The following GNAS variants were observed in gnomAD, a reference collection of about 807,000 sequenced individuals.
The protein encoded by GNAS is protein ALEX.
Under a neutral mutation model 54.5 loss-of-function variants are expected in GNAS, and 8 were observed. The observed-to-expected ratio is 0.15, with a 90% CI of 0.09 to 0.26. The LOEUF (loss-of-function observed/expected upper bound fraction) is 0.26. Ranked by LOEUF, GNAS falls within the 10% of genes least tolerant of loss-of-function variation. The pLI, the probability that GNAS is intolerant of heterozygous loss-of-function variation, is 1.00. For missense variants in GNAS, 170 were observed against 529.8 expected (o/e 0.32, Z 6.67); for synonymous variants, 204 against 191.4 (o/e 1.07, Z -0.54).
At position 58,853,368 on chromosome 20, in the gene GNAS, G is replaced by A; in HGVS notation, c.43+12482G>A. 6.4e-7 allele frequency: 1 copy of A among 1,554,726 alleles called. No homozygotes were observed. Among genetic ancestry groups the A allele is most frequent in the Non-Finnish European group, 8.7e-7 (1 of 1,149,364 alleles). On this transcript the variant is annotated intron_variant, in intron 1 of 12. Coordinates refer to the GNAS transcript ENST00000306090. The surrounding 1 kb of genome is among the most constrained non-coding windows in gnomAD (Gnocchi z 4.4). Reference sequence around the variant, plus strand: ...CGAGCAACCACCTTTGGAGGCCCCAGGGGCAGCTGCCCCCGGTGCTGGGCC... The same window carrying A: ...CGAGCAACCACCTTTGGAGGCCCCAAGGGCAGCTGCCCCCGGTGCTGGGCC...
intron 2 of GNAS, among the ~76,000 whole-genome samples, chr20:58,897,280 C>T (rs1052001142): frequency 2.0e-5 from 3 of 152,222 alleles, no homozygotes; most frequent in African/African-American, 7.2e-5. Flanking sequence ...GCCATCCTGA[C>T]AATAAATAAA....
At chr20:58,855,666 A>AGGGGCCCCGGGGC in intron 1 of GNAS, 1 of 553,128 alleles carries the variant, frequency 1.8e-6, no homozygotes, top group Non-Finnish European at 3.5e-6. Context: ...ACTGCCGGGG[A>AGGGGCCCCGGGGC]GGGGCCCCGG....
intron 1 of GNAS, chr20:58,854,519 C>G (rs554596521): frequency 6.3e-7 from 1 of 1,582,082 alleles, no homozygotes; most frequent in East Asian, 2.3e-5. Flanking sequence ...CAGCACCAGC[C>G]GATCCTGACT....
At chr20:58,844,797 C>CA (rs148823649) in intron 1 of GNAS, among the ~76,000 whole-genome samples, 236 of 139,214 alleles carry the variant, frequency 1.7e-3, no homozygotes, top group South Asian at 0.014. Context: ...GACTCCATCT[C>CA]AAAAAAAAAA....
chr20:58,890,246 C>T (rs1051664410), upstream of GNAS, among the ~76,000 whole-genome samples: 1 of 151,104 alleles, frequency 6.6e-6, no homozygotes, highest in Non-Finnish European at 1.5e-5. Context: ...AGGCCCGATG[C>T]CCCGAGGCCG....
At chr20:58,855,927 C>T in intron 1 of GNAS, 1 of 409,688 alleles carries the variant, frequency 2.4e-6, no homozygotes, top group South Asian at 4.8e-5. Context: ...GTGGTTTGCG[C>T]CATGGCCCGG....
Position 58,900,082 on chromosome 20 carries a change from G to T in GNAS, c.257+1097G>T, listed in dbSNP as rs1042499627. 1.5e-4 allele frequency: 91 copies of T among 593,284 alleles called. 3 individuals carry two copies. Among genetic ancestry groups the T allele is most frequent in the South Asian group, 1.5e-3 (73 of 49,776 alleles). The allele number at this position is 593,284 out of a possible 1,614,324, so 36.8% of individuals were successfully genotyped here. On this transcript the variant is annotated intron_variant, in intron 3 of 12. Transcript: ENST00000371085. ...TATTCTGTTATCTGAGGGGGGAGGG[G>T]GGATGGGGCCCCTGCTACCTGACCT...
intron 2 of GNAS, chr20:58,897,945 GC>G (rs1306118351): frequency 1.3e-5 from 2 of 152,026 alleles, no homozygotes; most frequent in African/African-American, 4.8e-5. Context: ...CCCTGATCTT[GC>G]GTTTTGTTAG....
intron 1 of GNAS, among the ~76,000 whole-genome samples, chr20:58,858,668 T>G (rs911153850): frequency 6.6e-5 from 10 of 152,238 alleles, no homozygotes; most frequent in Non-Finnish European, 1.3e-4. Flanking sequence ...TAATGGCTAT[T>G]CTGCTATGAT....
rs2146287042 is a variant in GNAS, at chr20:58,909,859, C to T, written c.839+55C>T. 1 of 1,612,714 alleles carries T rather than the reference C, an allele frequency of 6.2e-7. No homozygotes were observed. The highest frequency in any genetic ancestry group is 1.1e-5 in the South Asian group (1 of 91,028). ...CTTGCCCAGGAGGCCCTGGTCTGCA[C>T]TGTTTATAGAGAAGAACCCCGTGCA... On this transcript the variant is annotated intron_variant, in intron 10 of 12. Coordinates refer to ENST00000371085, the MANE Select transcript of GNAS (RefSeq NM_000516.7). This position sits in a 1 kb window ranked among gnomAD's most constrained non-coding sequence, Gnocchi z 7.3.
intron 1 of GNAS, among the ~76,000 whole-genome samples, chr20:58,893,456 G>A (rs1051028228): frequency 9.2e-5 from 14 of 152,240 alleles, no homozygotes; most frequent in African/African-American, 3.4e-4. Context: ...GACCTAGTTC[G>A]TGGTCACATT....
At chr20:58,889,048 T>G (rs2088827025), upstream of GNAS, 1 of 999,976 alleles carries the variant, frequency 1.0e-6, no homozygotes, top group African/African-American at 1.7e-5. Flanking sequence ...CCCATTTGGG[T>G]GCGTCCCCGG....
chr20:58,894,011 G>A (rs1391321226), intron 1 of GNAS, among the ~76,000 whole-genome samples: 1 of 152,184 alleles, frequency 6.6e-6, no homozygotes, highest in African/African-American at 2.4e-5. Context: ...TTAAGCCAGT[G>A]ACACAATATT....
chr20:58,840,826 C>A (rs112322423), upstream of GNAS: 169 of 1,612,792 alleles, frequency 1.0e-4, no homozygotes, highest in African/African-American at 1.9e-3. This position sits in a 1 kb window ranked among gnomAD's most constrained non-coding sequence, Gnocchi z 6.0. Context: ...AGGGACCCAT[C>A]CCCATCCGGC....
At chr20:58,874,959 C>T (rs1485932849) in intron 1 of GNAS, among the ~76,000 whole-genome samples, 4 of 152,046 alleles carry the variant, frequency 2.6e-5, no homozygotes, top group Non-Finnish European at 5.9e-5. Context: ...TATTTATTAC[C>T]CTTGAAATAA....
At chr20:58,889,489 TTCTC>T (rs566336302), upstream of GNAS, 10 of 282,984 alleles carry the variant, frequency 3.5e-5, no homozygotes, top group African/African-American at 1.4e-4. Flanking sequence ...CACCCCCCAA[TTCTC>T]TCTCTTTTCT....
At chr20:58,862,023 C>T (rs1331367451) in intron 1 of GNAS, among the ~76,000 whole-genome samples, 1 of 151,724 alleles carries the variant, frequency 6.6e-6, no homozygotes, top group Admixed American at 6.6e-5. Flanking sequence ...TTAATTCCCC[C>T]AAAAAGAGGG....
At chr20:58,855,439 G>A in intron 1 of GNAS, 1 of 1,031,714 alleles carries the variant, frequency 9.7e-7, no homozygotes, top group Non-Finnish European at 1.5e-6. Context: ...GGAGGAGGGG[G>A]TCCAGCCAAA....
intron 1 of GNAS, chr20:58,850,703 C>A (rs530438616): frequency 2.5e-6 from 1 of 398,908 alleles, no homozygotes; most frequent in East Asian, 3.6e-5. Context: ...GTTAGCCTGC[C>A]GCCATCAACA....
Sources: allele counts gnomAD v4.1 joint callset (sites outside exome capture counted in the v4.1 genomes callset), GRCh38; gene constraint gnomAD v4.1.1; non-coding constraint Gnocchi (gnomAD v3.1); transcripts MANE v1.5; gene names NCBI Gene and HGNC (gene_info 2026-07-23, HGNC 2026-07-21).